Variants in EPB41 observed in about 807,000 individuals in gnomAD.
EPB41 encodes erythrocyte membrane protein band 4.1.
In EPB41, 65 loss-of-function variants were observed where a neutral mutation model predicts 108.0. The ratio of observed to expected loss-of-function variants is 0.60; its 90% CI spans 0.49 to 0.74. The LOEUF (loss-of-function observed/expected upper bound fraction) is 0.74. EPB41 is among the 30% of genes least tolerant of loss of function. The pLI, the probability that EPB41 is intolerant of heterozygous loss-of-function variation, is 0.00. For missense variants in EPB41, 875 were observed against 1,037.0 expected (o/e 0.84, Z 2.15); for synonymous variants, 336 against 358.9 (o/e 0.94, Z 0.72).
At chr1:29,017,579 A>G (rs927958213) in intron 6 of EPB41, among the ~76,000 whole-genome samples, 3 of 152,232 alleles carry the variant, frequency 2.0e-5, no homozygotes, top group African/African-American at 4.8e-5. Context: ...GGCTAATAGT[A>G]TGTAGAAAGC....
intron 4 of EPB41, among the ~76,000 whole-genome samples, chr1:28,998,181 C>T (rs2096226120): frequency 6.6e-6 from 1 of 152,116 alleles, no homozygotes; most frequent in African/African-American, 2.4e-5. Context: ...CGGGAAGTCT[C>T]CTCTGGGGAG....
At chr1:28,967,389 A>G (rs1310478026) in intron 1 of EPB41, among the ~76,000 whole-genome samples, 1 of 152,144 alleles carries the variant, frequency 6.6e-6, no homozygotes, top group Non-Finnish European at 1.5e-5. Context: ...AGTTACTGAT[A>G]CTTTGGAATC....
chr1:29,045,145 A>G (rs2150552885), intron 11 of EPB41, among the ~76,000 whole-genome samples: 1 of 152,298 alleles, frequency 6.6e-6, no homozygotes, highest in East Asian at 1.9e-4. Context: ...AAAAGTCTTA[A>G]TACTTTTATT....
Position 28,928,309 on chromosome 1 carries a change from G to A in EPB41, c.-8+13541G>A, listed in dbSNP as rs1312682163. On this transcript the variant is annotated intron_variant, in intron 1 of 20. Transcript: ENST00000343067. ...GATTTCTCTAAATACAGAGGAGAAG[G>A]TCCAGAGGGAAAAAAAAAATTCTTT... Among the ~76,000 whole-genome samples, 3 of 152,168 alleles carry A rather than the reference G, an allele frequency of 2.0e-5. No homozygotes were observed. The East Asian group carries it at 5.8e-4, about 29-fold the overall frequency.
At chr1:29,033,580 A>T (rs1388827213) in intron 9 of EPB41, among the ~76,000 whole-genome samples, 3 of 152,196 alleles carry the variant, frequency 2.0e-5, no homozygotes, top group Non-Finnish European at 2.9e-5. Context: ...ATTTATAGGG[A>T]TAAATTACTC....
chr1:28,948,705 CT>C (rs980699690), intron 1 of EPB41, among the ~76,000 whole-genome samples: 6 of 152,156 alleles, frequency 3.9e-5, no homozygotes, highest in African/African-American at 1.4e-4. Flanking sequence ...AATCCTAGCA[CT>C]TTGGGAGGCC....
chr1:28,895,601 T>A (rs369764647), intron 1 of EPB41, among the ~76,000 whole-genome samples: 1 of 152,132 alleles, frequency 6.6e-6, no homozygotes, highest in African/African-American at 2.4e-5. Context: ...GCAATTCTCC[T>A]GTCTCAACCT....
At chr1:29,058,787 C>G (rs1470173994) in intron 13 of EPB41, 24 bp from the exon 14 acceptor site, 1 of 1,538,510 alleles carries the variant, frequency 6.5e-7, no homozygotes, top group Non-Finnish European at 8.8e-7. Context: ...ATTTTTCTTT[C>G]TTTTTTAAAT....
chr1:28,989,170 G>A (rs937373697), intron 2 of EPB41, among the ~76,000 whole-genome samples: 1 of 152,234 alleles, frequency 6.6e-6, no homozygotes, highest in Non-Finnish European at 1.5e-5. Context: ...TTGCCACAGA[G>A]TGTAAGATAC....
At position 29,082,119 on chromosome 1, in the gene EPB41, TTTTG is replaced by T. The variant is rs528562742; in HGVS notation, c.2185-15680_2185-15677del. Among the ~76,000 whole-genome samples, 271 of 152,284 alleles carry T rather than the reference TTTTG, an allele frequency of 1.8e-3. 1 individual carries two copies. Among genetic ancestry groups the T allele is most frequent in the Non-Finnish European group, 3.3e-3 (226 of 68,022 alleles). On this transcript the variant is annotated intron_variant, in intron 16 of 20. Transcript: ENST00000343067. ...AATCAAGGTAACTATTTCTTGGGTT[TTTTG>T]TTTGTTTTGTTTCGTTTTTGAGACG...
intron 7 of EPB41, among the ~76,000 whole-genome samples, chr1:29,022,064 A>G (rs1358517210): frequency 6.6e-6 from 1 of 152,226 alleles, no homozygotes; most frequent in Non-Finnish European, 1.5e-5. Context: ...GGAATTTTGG[A>G]AAACTTTTAT....
At chr1:28,921,938 TTATATATATATATA>T (rs66808636) in intron 1 of EPB41, among the ~76,000 whole-genome samples, 5 of 102,652 alleles carry the variant, frequency 4.9e-5, no homozygotes, top group African/African-American at 1.4e-4. Flanking sequence ...TTATGAAATT[TTATATATATATATA>T]TATATATATA....
intron 1 of EPB41, among the ~76,000 whole-genome samples, chr1:28,895,708 G>A (rs2090593824): frequency 6.6e-6 from 1 of 152,092 alleles, no homozygotes; most frequent in South Asian, 2.1e-4. Flanking sequence ...GGCTGGTCTC[G>A]AACTCCTGAC....
At chr1:28,967,880 C>T (rs1310213560) in intron 1 of EPB41, among the ~76,000 whole-genome samples, 6 of 149,722 alleles carry the variant, frequency 4.0e-5, no homozygotes, top group African/African-American at 1.2e-4. Flanking sequence ...TCTCAGCTCA[C>T]TGCAACCTCT....
In EPB41 at chr1:28,887,652, G is replaced by C; in HGVS notation, c.-8+442G>C. The C allele has an allele frequency of 1.0e-6, 1 of 985,288 alleles. No individual in the cohort carries two copies. The highest frequency in any genetic ancestry group is 1.7e-5 in the African/African-American group (1 of 57,338). The allele number at this position is 985,288 out of a possible 1,614,324, so 61.0% of individuals were successfully genotyped here. A position where few individuals can be genotyped will look rare whatever the true frequency, so the allele number is the denominator to read the frequency against. On this transcript the variant is annotated intron_variant, in intron 1 of 16. Coordinates refer to the EPB41 transcript ENST00000347529. This position sits in a 1 kb window ranked among gnomAD's most constrained non-coding sequence, Gnocchi z 4.9. Reference sequence around the variant, plus strand: ...GGAGCGGGCTGGCGGCTAGCAGCGGGAGGGGGCTCCGGGGCCTGGAGCCCC... The same window carrying C: ...GGAGCGGGCTGGCGGCTAGCAGCGGCAGGGGGCTCCGGGGCCTGGAGCCCC...
intron 7 of EPB41, among the ~76,000 whole-genome samples, chr1:29,020,998 T>A (rs1182924697): frequency 2.0e-5 from 3 of 152,216 alleles, no homozygotes; most frequent in Non-Finnish European, 4.4e-5. Flanking sequence ...TTGAGAGGAC[T>A]TATAGTCTCT....
chr1:29,000,400 G>A (rs1294346438), intron 4 of EPB41, among the ~76,000 whole-genome samples: 1 of 152,066 alleles, frequency 6.6e-6, no homozygotes, highest in African/African-American at 2.4e-5. Flanking sequence ...GCACCCAACC[G>A]TAATTAGTTT....
chr1:28,966,221 A>T (rs1204250689), intron 1 of EPB41, among the ~76,000 whole-genome samples: 1 of 152,102 alleles, frequency 6.6e-6, no homozygotes, highest in Non-Finnish European at 1.5e-5. Flanking sequence ...TTTGTAATTA[A>T]GTTACAGTTA....
chr1:29,059,230 G>T (rs1487272219), intron 14 of EPB41, among the ~76,000 whole-genome samples: 1 of 152,082 alleles, frequency 6.6e-6, no homozygotes, highest in African/African-American at 2.4e-5. Context: ...AGCTGAGATC[G>T]TGCCACCGTG....
Sources: allele counts gnomAD v4.1 joint callset (sites outside exome capture counted in the v4.1 genomes callset), GRCh38; gene constraint gnomAD v4.1.1; non-coding constraint Gnocchi (gnomAD v3.1); transcripts MANE v1.5; gene names NCBI Gene and HGNC (gene_info 2026-07-23, HGNC 2026-07-21).